Variants in CD163 observed in about 807,000 individuals in gnomAD.
CD163 encodes the protein CD163 molecule, also known as scavenger receptor cysteine-rich type 1 protein M130.
CD163 carries 64 observed loss-of-function variants against 129.2 expected under a neutral mutation model. The observed-to-expected ratio is 0.50, with a 90% CI of 0.41 to 0.61. CD163 has a LOEUF of 0.61. CD163 is among the 20% of genes least tolerant of loss of function. CD163 has a pLI of 0.00. For missense variants in CD163, 1,061 were observed against 1,377.9 expected (o/e 0.77, Z 3.64); for synonymous variants, 446 against 478.5 (o/e 0.93, Z 0.89).
intron 16 of CD163, among the ~76,000 whole-genome samples, chr12:7,474,791 G>T (rs1225763816): frequency 5.3e-5 from 8 of 151,988 alleles, no homozygotes; most frequent in African/African-American, 1.9e-4. Context: ...CCAGGAGCTG[G>T]TTTTTTGAAA....
intron 3 of CD163, among the ~76,000 whole-genome samples, 153 bp downstream of exon 3, chr12:7,500,986 C>T (rs1592013548): frequency 6.6e-6 from 1 of 152,030 alleles, no homozygotes; most frequent in African/African-American, 2.4e-5. Context: ...AAAATGACCT[C>T]GTGTTTTGTG....
At chr12:7,483,287 T>G in intron 12 of CD163, 80 bp downstream of exon 12, 1 of 1,365,124 alleles carries the variant, frequency 7.3e-7, no homozygotes, top group Non-Finnish European at 1.0e-6. Context: ...ATAAATCCGG[T>G]TTTTACACAA....
chr12:7,503,591 A>G, intron 1 of CD163, 54 bp downstream of exon 1: 1 of 1,187,040 alleles, frequency 8.4e-7, no homozygotes, highest in Non-Finnish European at 1.2e-6. Flanking sequence ...TGACTGTCAT[A>G]ATAATTACAT....
intron 6 of CD163, among the ~76,000 whole-genome samples, chr12:7,493,306 G>GAC (rs1454004838): frequency 6.6e-6 from 1 of 152,144 alleles, no homozygotes; most frequent in Non-Finnish European, 1.5e-5. Flanking sequence ...GCCCATGAAG[G>GAC]ACAGCGGACA....
chr12:7,482,613 CA>C, intron 14 of CD163, 29 bp downstream of exon 14: 2 of 1,612,976 alleles, frequency 1.2e-6, no homozygotes, highest in South Asian at 2.2e-5. Context: ...ATCCTGTAGA[CA>C]TATTAGATAA....
At position 7,501,341 on chromosome 12, in the gene CD163, G is replaced by A. The variant is rs1239064181; in HGVS notation, c.255C>T (p.Val85=). The change falls in exon 3 of 17, where the codon GTC becomes GTT. Residue 85 remains valine (V), a synonymous_variant. Transcript: ENST00000432237. The part of the protein sequence containing the change: ...VCNNGWSMEA[V]SVICNQLGCP... ...ATCCCAGCTGGTTACAAATCACAGA[G>A]ACCGCTTCCATGCTCCAGCCATTAT... 1.2e-6 allele frequency: 2 copies of A among 1,613,978 alleles called. No individual in the cohort carries two copies. The highest frequency in any genetic ancestry group is 2.7e-5 in the African/African-American group (2 of 74,900).
intron 6 of CD163, among the ~76,000 whole-genome samples, chr12:7,489,314 G>A (rs1001986241): frequency 2.0e-5 from 3 of 152,008 alleles, no homozygotes; most frequent in African/African-American, 7.2e-5. Flanking sequence ...CAATAGCTTC[G>A]TAAATTGTTT....
intron 16 of CD163, among the ~76,000 whole-genome samples, chr12:7,475,097 CAAAAAAAAAAA>C (rs58901449): frequency 1.2e-4 from 11 of 94,020 alleles, no homozygotes; most frequent in African/African-American, 4.9e-4. Context: ...GCCTACCAAC[CAAAAAAAAAAA>C]AAAAAAAAAA....
chr12:7,495,769 A>G (rs1429699633), intron 5 of CD163, among the ~76,000 whole-genome samples: 5 of 152,184 alleles, frequency 3.3e-5, no homozygotes, highest in Non-Finnish European at 7.3e-5. Flanking sequence ...TCAAAATCAC[A>G]ATGAGATACC....
At position 7,485,012 on chromosome 12, in the gene CD163, G is replaced by T; in HGVS notation, c.2779+84C>A. The T allele has an allele frequency of 8.0e-7, 1 of 1,247,728 alleles. No homozygotes were observed. The highest frequency in any genetic ancestry group is 1.1e-6 in the Non-Finnish European group (1 of 899,124). The allele number at this position is 1,247,728 out of a possible 1,614,324, so 77.3% of individuals were successfully genotyped here. On this transcript the variant is annotated intron_variant, in intron 11 of 16. Coordinates refer to ENST00000432237, the MANE Select transcript of CD163 (RefSeq NM_203416.4). This position sits in a 1 kb window ranked among gnomAD's most constrained non-coding sequence, Gnocchi z 4.5. Reference sequence around the variant, plus strand: ...AACAATTTAAGCCAGTGTGAGAATAGGAAAATAAAATCCAGTGTCCATTAT... The same window carrying T: ...AACAATTTAAGCCAGTGTGAGAATATGAAAATAAAATCCAGTGTCCATTAT...
In CD163 at chr12:7,485,017, A is replaced by C; in HGVS notation, c.2779+79T>G. 2 of 1,292,616 alleles carry C rather than the reference A, an allele frequency of 1.5e-6. No homozygotes were observed. Among genetic ancestry groups the C allele is most frequent in the Non-Finnish European group, 1.1e-6 (1 of 939,286 alleles). The allele number at this position is 1,292,616 out of a possible 1,614,324, so 80.1% of individuals were successfully genotyped here. A position where few individuals can be genotyped will look rare whatever the true frequency, so the allele number is the denominator to read the frequency against. ...TTTAAGCCAGTGTGAGAATAGGAAAATAAAATCCAGTGTCCATTATCAGAA... is the reference window on the plus strand; with the variant it reads ...TTTAAGCCAGTGTGAGAATAGGAAACTAAAATCCAGTGTCCATTATCAGAA... On this transcript the variant is annotated intron_variant, in intron 11 of 16. Coordinates refer to ENST00000432237, the MANE Select transcript of CD163 (RefSeq NM_203416.4). This position sits in a 1 kb window ranked among gnomAD's most constrained non-coding sequence, Gnocchi z 4.5.
rs943764875 is a variant in CD163, at chr12:7,487,056, G to C, written c.2051-70C>G. 8.4e-7 allele frequency: 1 copy of C among 1,194,194 alleles called. No homozygotes were observed. Among genetic ancestry groups the C allele is most frequent in the Non-Finnish European group, 1.2e-6 (1 of 813,596 alleles). 74.0% of individuals were successfully genotyped at this position (1,194,194 alleles called of 1,614,324 possible). On this transcript the variant is annotated intron_variant, in intron 8 of 16. Coordinates refer to ENST00000432237, the MANE Select transcript of CD163 (RefSeq NM_203416.4). This position sits in a 1 kb window ranked among gnomAD's most constrained non-coding sequence, Gnocchi z 5.1. ...GGGGAGTCAGATGAAATGTTATATG[G>C]ATGAGTTGAGGACAAACATAGCTTA...
chr12:7,471,844 A>G (rs1471047833), intron 16 of CD163: 1 of 152,234 alleles, frequency 6.6e-6, no homozygotes, highest in Non-Finnish European at 1.5e-5. Context: ...CGAACTACTG[A>G]CTTGAAATTC....
rs751888043 is a variant in CD163 at position 7,487,328 on chromosome 12, A to T, written c.2050+31T>A. The T allele has an allele frequency of 1.3e-6, 2 of 1,540,724 alleles. No homozygotes were observed. Among genetic ancestry groups the T allele is most frequent in the Non-Finnish European group, 1.7e-6 (2 of 1,147,076 alleles). On this transcript the variant is annotated intron_variant, in intron 8 of 16. Transcript: ENST00000432237. This position sits in a 1 kb window ranked among gnomAD's most constrained non-coding sequence, Gnocchi z 5.1. ...ATCCCTATGTACACCTTCTCTTAAG[A>T]CCCATCACTGGCTGCCCGTCATCCT...
At chr12:7,480,092 G>A (rs917760243) in intron 15 of CD163, 179 bp from the exon 16 acceptor site, 13 of 1,131,026 alleles carry the variant, frequency 1.1e-5, no homozygotes, top group Admixed American at 2.6e-5. Context: ...CCCATAACTA[G>A]GAAGAAAAGC....
rs758999571 is a variant in CD163, at chr12:7,485,344, T to C, written c.2531A>G (p.Asn844Ser). ...ACAGRLEVFY[N>S]GAWGTVGKSS... ...CTTGCCAACAGTGCCCCAAGCTCCA[T>C]TGTAAAAAACTTCCAGACGCCCTGC... Residue 844 changes from asparagine to serine, a missense_variant, in exon 11 of 17, where the codon AAT (asparagine) becomes AGT (serine). Physicochemically the swap from Asn to Ser is conservative, Grantham distance 46. Coordinates refer to ENST00000432237, the MANE Select transcript of CD163 (RefSeq NM_203416.4). The surrounding 1 kb of genome is among the most constrained non-coding windows in gnomAD (Gnocchi z 4.5). The C allele has an allele frequency of 3.1e-6, 5 of 1,614,084 alleles. No individual in the cohort carries two copies. Among genetic ancestry groups the C allele is most frequent in the East Asian group, 2.2e-5 (1 of 44,900 alleles).
chr12:7,481,013 T>C, intron 15 of CD163, 148 bp downstream of exon 15: 1 of 1,357,946 alleles, frequency 7.4e-7, no homozygotes, highest in Non-Finnish European at 9.5e-7. Flanking sequence ...AAGAATAATT[T>C]TCAGTCATTC....
chr12:7,485,703 T>TAG lies in CD163; in HGVS notation c.2459-288_2459-287insCT, dbSNP rs1949238123. ...GCTTTTTTCAGTTACATAGTTTGGATTTTTTCCCAAAAATATTCTCCTTTT... is the reference window on the plus strand; with the variant it reads ...GCTTTTTTCAGTTACATAGTTTGGATAGTTTTTCCCAAAAATATTCTCCTTTT... On this transcript the variant is annotated intron_variant, in intron 10 of 16. Coordinates refer to ENST00000432237, the MANE Select transcript of CD163 (RefSeq NM_203416.4). This position sits in a 1 kb window ranked among gnomAD's most constrained non-coding sequence, Gnocchi z 4.5. Among the ~76,000 whole-genome samples the TAG allele has an allele frequency of 6.6e-6, 1 of 152,158 alleles. No homozygotes were observed. The highest frequency in any genetic ancestry group is 1.5e-5 in the Non-Finnish European group (1 of 68,024).
rs118113966 is a variant in CD163, at chr12:7,485,996, C to T, written c.2458+503G>A. Among the ~76,000 whole-genome samples, 1,276 of 152,268 alleles carry T rather than the reference C, an allele frequency of 8.4e-3. 11 individuals carry two copies. The highest frequency in any genetic ancestry group is 0.021 in the South Asian group (102 of 4,830). ...TTAAATTTCAGAATGTTTTCTAAAA[C>T]TCACCATGTATACAAAGCAGTATGA... On this transcript the variant is annotated intron_variant, in intron 10 of 16. Transcript: ENST00000432237. This position sits in a 1 kb window ranked among gnomAD's most constrained non-coding sequence, Gnocchi z 4.5.
Sources: allele counts gnomAD v4.1 joint callset (sites outside exome capture counted in the v4.1 genomes callset), GRCh38; gene constraint gnomAD v4.1.1; non-coding constraint Gnocchi (gnomAD v3.1); transcripts MANE v1.5; gene names NCBI Gene and HGNC (gene_info 2026-07-23, HGNC 2026-07-21).